The following ATP10B variants were observed in gnomAD, a reference collection of about 807,000 sequenced individuals.
ATP10B encodes the protein ATPase phospholipid transporting 10B (putative).
ATP10B carries 122 observed loss-of-function variants against 141.2 expected under a neutral mutation model. The observed-to-expected ratio is 0.86, with a 90% CI of 0.75 to 1.00. The LOEUF is 1.00. ATP10B is among the 50% of genes least tolerant of loss of function. The probability of loss-of-function intolerance (pLI) is 0.00; values close to 1 mark genes in which losing one functional copy is unlikely to be tolerated. For synonymous variants in ATP10B, 685 were observed against 692.0 expected, an observed-to-expected ratio of 0.99 and a Z score of 0.16; for missense variants, 1,876 against 1,825.3, an observed-to-expected ratio of 1.03 and a Z score of -0.51.
intron 6 of ATP10B, chr5:160,684,834 C>T (rs1341592172): frequency 2.9e-6 from 2 of 682,714 alleles, no homozygotes; most frequent in African/African-American, 1.8e-5. Context: ...TTTTGCTTTA[C>T]CTGCTGTAGA....
chr5:160,877,591 A>C, the ATP10B span, among the ~76,000 whole-genome samples: 1 of 150,712 alleles, frequency 6.6e-6, no homozygotes, highest in South Asian at 2.1e-4. Flanking sequence ...GAGGAAATCA[A>C]ATTGTCCCTG....
chr5:160,692,113 T>C (rs1275655390), intron 3 of ATP10B, among the ~76,000 whole-genome samples: 1 of 152,164 alleles, frequency 6.6e-6, no homozygotes, highest in East Asian at 1.9e-4. Context: ...ATGTGGGAAA[T>C]GTAGTTATTT....
At chr5:160,775,460 G>A (rs1770227542) in intron 2 of ATP10B, among the ~76,000 whole-genome samples, 2 of 152,068 alleles carry the variant, frequency 1.3e-5, no homozygotes, top group Admixed American at 6.5e-5. Context: ...GGAGCATAGG[G>A]CACAGAAAAA....
In ATP10B at chr5:160,602,647, A is replaced by C. The variant is rs1283870735; in HGVS notation, c.3293T>G (p.Leu1098Arg). The C allele has an allele frequency of 1.9e-6, 3 of 1,614,006 alleles. No homozygotes were observed. Among genetic ancestry groups the C allele is most frequent in the Non-Finnish European group, 2.5e-6 (3 of 1,179,978 alleles). The change falls in exon 21 of 26, where the codon CTG (leucine) becomes CGG (arginine). Residue 1098 changes from leucine (L) to arginine (R), a missense_variant. Transcript: ENST00000327245. ...GTAACACCAGTGGCCATGCACGAGCAGCAACTTCTTGAGATGCTTAAAGCG... is the reference window on the plus strand; with the variant it reads ...GTAACACCAGTGGCCATGCACGAGCCGCAACTTCTTGAGATGCTTAAAGCG... ...ITRFKHLKKL[L>R]LVHGHWCYSR... is the part of the protein sequence containing the mutation.
rs748019394 is a variant in ATP10B, at chr5:160,688,831, CATGAGGTG to C, written c.-100_-93del. Reference sequence around the variant, plus strand: ...GAGGTTCTTTCCTAGGAAATTTGTCCATGAGGTGACTGGGCTGTGCTACTGTCCAGTCA... The same window carrying C: ...GAGGTTCTTTCCTAGGAAATTTGTCCACTGGGCTGTGCTACTGTCCAGTCA... On this transcript the variant is annotated 5_prime_UTR_variant, in exon 4 of 26. The change abolishes an upstream ATG in the 5' untranslated region. Transcript: ENST00000327245. The C allele has an allele frequency of 1.1e-5, 11 of 985,346 alleles. No individual in the cohort carries two copies. Among genetic ancestry groups the C allele is most frequent in the Non-Finnish European group, 1.3e-5 (11 of 829,922 alleles). 61.0% of individuals were successfully genotyped at this position (985,346 alleles called of 1,614,324 possible).
intron 3 of ATP10B, among the ~76,000 whole-genome samples, chr5:160,708,189 T>C (rs960929125): frequency 3.3e-5 from 5 of 152,196 alleles, no homozygotes; most frequent in African/African-American, 1.2e-4. Flanking sequence ...TAGGGTGTCG[T>C]TGAGGTTTTG....
chr5:160,719,176 G>A (rs1449912589), intron 2 of ATP10B, among the ~76,000 whole-genome samples: 5 of 152,114 alleles, frequency 3.3e-5, no homozygotes, highest in African/African-American at 1.2e-4. Context: ...TGAGACGGGC[G>A]GATCACGAGG....
At chr5:160,703,035 A>G (rs1469981886) in intron 3 of ATP10B, among the ~76,000 whole-genome samples, 1 of 152,204 alleles carries the variant, frequency 6.6e-6, no homozygotes, top group Non-Finnish European at 1.5e-5. Context: ...GGTCAACTAG[A>G]AGATCTGCAG....
intron 1 of ATP10B, among the ~76,000 whole-genome samples, chr5:160,822,989 CATATATATATACATATATAT>C (rs1215097892): frequency 0.012 from 823 of 69,714 alleles, 27 homozygotes; most frequent in African/African-American, 0.019. Flanking sequence ...ATTACATATA[CATATATATATACATATATAT>C]ATATATATAT....
the ATP10B span, among the ~76,000 whole-genome samples, chr5:160,928,043 C>T: frequency 2.0e-5 from 3 of 152,126 alleles, no homozygotes; most frequent in Non-Finnish European, 4.4e-5. Flanking sequence ...TGCTGGCTCA[C>T]TATAGGTTGG....
At chr5:160,685,729 A>G (rs901542514) in intron 6 of ATP10B, among the ~76,000 whole-genome samples, 1 of 152,202 alleles carries the variant, frequency 6.6e-6, no homozygotes, top group Non-Finnish European at 1.5e-5. Context: ...GCTTAATAAT[A>G]TGAGTGCTTA....
chr5:160,601,646 G>A (rs1757103388), intron 21 of ATP10B, among the ~76,000 whole-genome samples: 1 of 152,142 alleles, frequency 6.6e-6, no homozygotes, highest in South Asian at 2.1e-4. Context: ...TTTTTATAGG[G>A]CTATATGTTT....
chr5:160,733,209 T>C (rs1395902212), intron 2 of ATP10B, among the ~76,000 whole-genome samples: 2 of 152,208 alleles, frequency 1.3e-5, no homozygotes, highest in Non-Finnish European at 2.9e-5. Flanking sequence ...TTTTATTGTG[T>C]AGTTATTGCA....
intron 1 of ATP10B, among the ~76,000 whole-genome samples, chr5:160,828,433 G>A (rs1417590962): frequency 6.6e-6 from 1 of 152,120 alleles, no homozygotes; most frequent in Non-Finnish European, 1.5e-5. Flanking sequence ...AGACATTGAT[G>A]CAGCCAAAAG....
In ATP10B at chr5:160,622,556, TA is replaced by T; in HGVS notation, c.1649del (p.Leu550HisfsTer2). The T allele has an allele frequency of 6.2e-7, 1 of 1,613,180 alleles. No homozygotes were observed. The highest frequency in any genetic ancestry group is 8.5e-7 in the Non-Finnish European group (1 of 1,179,690). ...IEKDVTPDKN[L>X]LTKVRDAALW... is the part of the protein sequence containing the mutation. ...GGGCAGCATCTCGAACCTTGGTCAGTAGGTTTTTATCTGGAGTTACATCTTT... is the reference window on the plus strand; with the variant it reads ...GGGCAGCATCTCGAACCTTGGTCAGTGGTTTTTATCTGGAGTTACATCTTT... On this transcript the variant is annotated frameshift_variant, in exon 14 of 26. Coordinates refer to ENST00000327245, the MANE Select transcript of ATP10B (RefSeq NM_025153.3). LOFTEE classifies it high-confidence loss of function.
intron 2 of ATP10B, among the ~76,000 whole-genome samples, chr5:160,730,867 G>A (rs1766690331): frequency 6.6e-6 from 1 of 152,132 alleles, no homozygotes; most frequent in Non-Finnish European, 1.5e-5. Context: ...CAGAGTTGGT[G>A]GGAAGTCACT....
rs199950060 is a variant in ATP10B at position 160,766,307 on chromosome 5, A to AT, written c.-331+19251dup. Among the ~76,000 whole-genome samples the AT allele has an allele frequency of 8.6e-3, 1,293 of 150,896 alleles. 21 individuals carry two copies. Among genetic ancestry groups the AT allele is most frequent in the African/African-American group, 0.029 (1,192 of 41,006 alleles). ...TTGCAAAAATACGGAACCAGCCTAAATGTCCACCAATCAATGAGTGGATAA... is the reference window on the plus strand; with the variant it reads ...TTGCAAAAATACGGAACCAGCCTAAATTGTCCACCAATCAATGAGTGGATAA... On this transcript the variant is annotated intron_variant, in intron 2 of 25. Transcript: ENST00000327245.
At chr5:160,655,684 T>G (rs1269174325) in intron 7 of ATP10B, among the ~76,000 whole-genome samples, 1 of 152,196 alleles carries the variant, frequency 6.6e-6, no homozygotes, top group African/African-American at 2.4e-5. Context: ...TTTATGGGAC[T>G]TCTTTGGCTC....
intron 9 of ATP10B, among the ~76,000 whole-genome samples, chr5:160,642,084 TG>T (rs112993199): frequency 0.038 from 5,751 of 152,172 alleles, 120 homozygotes; most frequent in African/African-American, 0.065. Flanking sequence ...GGAGGAAGTA[TG>T]GGGCAGTGGA....
Sources: gnomAD v4.1 joint callset for allele counts (sites outside exome capture counted in the v4.1 genomes callset) on GRCh38, gnomAD v4.1.1 for gene constraint, MANE v1.5 for transcripts, NCBI Gene and HGNC (gene_info 2026-07-23, HGNC 2026-07-21) for gene names.